Variants in RASAL2 observed in about 807,000 individuals in gnomAD.
RASAL2 encodes the protein ras GTPase-activating protein nGAP.
In RASAL2, 58 loss-of-function variants were observed where a neutral mutation model predicts 128.9. That is an observed-to-expected ratio of 0.45 (90% CI 0.36 to 0.56). The LOEUF is 0.56. RASAL2 is among the 20% of genes least tolerant of loss of function. RASAL2 has a pLI of 0.00. For synonymous variants in RASAL2, 561 were observed against 580.8 expected (o/e 0.97, Z 0.49); for missense variants, 1,360 against 1,601.6 (o/e 0.85, Z 2.57).
At chr1:178,439,226 A>G (rs1018533517) in intron 5 of RASAL2, among the ~76,000 whole-genome samples, 196 bp from the exon 6 acceptor site, 3 of 152,124 alleles carry the variant, frequency 2.0e-5, no homozygotes, top group African/African-American at 7.2e-5. Flanking sequence ...GTGCACTCAC[A>G]TAGATATATA....
chr1:178,394,274 T>G (rs1013617929), intron 4 of RASAL2, among the ~76,000 whole-genome samples: 1 of 152,196 alleles, frequency 6.6e-6, no homozygotes, highest in Non-Finnish European at 1.5e-5. Flanking sequence ...TTAAAGATCA[T>G]TTTTCATTTT....
At chr1:178,114,317 T>G (rs1193613350) in intron 1 of RASAL2, among the ~76,000 whole-genome samples, 1 of 152,088 alleles carries the variant, frequency 6.6e-6, no homozygotes, top group African/African-American at 2.4e-5. Flanking sequence ...AGCCTTAGGT[T>G]TTTTTGTTGT....
intron 1 of RASAL2, chr1:178,194,439 C>T (rs1662592168): frequency 4.6e-6 from 1 of 215,338 alleles, no homozygotes. Flanking sequence ...AACACATCCA[C>T]CAACTATGCC....
intron 1 of RASAL2, among the ~76,000 whole-genome samples, chr1:178,145,750 A>T (rs371216890): frequency 2.0e-5 from 3 of 152,166 alleles, no homozygotes; most frequent in African/African-American, 7.2e-5. Flanking sequence ...TTTATGGACA[A>T]CTGTGCCTAC....
intron 1 of RASAL2, among the ~76,000 whole-genome samples, chr1:178,143,570 G>A (rs892399305): frequency 5.3e-5 from 8 of 151,994 alleles, no homozygotes; most frequent in African/African-American, 1.9e-4. Flanking sequence ...GATAGAATAT[G>A]TTAACATTTA....
At chr1:178,150,664 G>A (rs2770155) in intron 1 of RASAL2, among the ~76,000 whole-genome samples, 152,315 of 152,320 alleles carry the variant, frequency 1, 76,155 homozygotes, top group Non-Finnish European at 1. Flanking sequence ...TTGTATATTC[G>A]TTGGATCCTC....
Position 178,475,004 on chromosome 1 carries a change from C to G in RASAL2, c.*1765C>G, listed in dbSNP as rs944161302. The G allele has an allele frequency of 5.9e-5, 9 of 152,168 alleles. No individual in the cohort carries two copies. The highest frequency in any genetic ancestry group is 9.7e-5 in the African/African-American group (4 of 41,442). 9.4% of individuals were successfully genotyped at this position (152,168 alleles called of 1,614,324 possible). On this transcript the variant is annotated 3_prime_UTR_variant, in exon 18 of 18. Coordinates refer to ENST00000367649, the MANE Select transcript of RASAL2 (RefSeq NM_170692.4). ...TATAAGAGAACATGTATAGTGCCCT[C>G]TTTTGAGTGATGCCGACAGACACCA... is the stretch of plus-strand genomic sequence containing the variant.
At chr1:178,335,838 C>A (rs1340140976) in intron 3 of RASAL2, among the ~76,000 whole-genome samples, 2 of 152,028 alleles carry the variant, frequency 1.3e-5, no homozygotes, top group East Asian at 3.9e-4. Flanking sequence ...TTCTGATAAA[C>A]CTAATTTGGA....
Position 178,194,694 on chromosome 1 carries a change from A to G in RASAL2, c.203-88870A>G, listed in dbSNP as rs1444095054. ...TCACCAGTGGATTTACTAGCAGTCT[A>G]TTTGGTTTGGGCCATCTTTTACCCA... On this transcript the variant is annotated intron_variant, in intron 1 of 17. Transcript: ENST00000367649. 2.8e-5 allele frequency: 5 copies of G among 178,510 alleles called. No homozygotes were observed. In the East Asian group the frequency reaches 4.0e-4, roughly 14 times the overall value. The allele number at this position is 178,510 out of a possible 1,614,324, so 11.1% of individuals were successfully genotyped here.
At chr1:178,366,589 C>A (rs1359164672) in intron 3 of RASAL2, among the ~76,000 whole-genome samples, 1 of 86,812 alleles carries the variant, frequency 1.2e-5, no homozygotes, top group Non-Finnish European at 2.0e-5. Flanking sequence ...TCCCACCCCC[C>A]CCCGCCAAAA....
chr1:178,109,321 T>TA (rs1659212365), intron 1 of RASAL2, among the ~76,000 whole-genome samples: 1 of 152,144 alleles, frequency 6.6e-6, no homozygotes, highest in Non-Finnish European at 1.5e-5. Flanking sequence ...AGGCTGGTCT[T>TA]AAACTCCTGA....
rs542277215 is a variant in RASAL2, at chr1:178,211,880, A to G, written c.203-71684A>G. Among the ~76,000 whole-genome samples, 5 of 152,284 alleles carry G rather than the reference A, an allele frequency of 3.3e-5. No homozygotes were observed. The South Asian group carries it at 6.2e-4, about 19-fold the overall frequency. On this transcript the variant is annotated intron_variant, in intron 1 of 17. Coordinates refer to ENST00000367649, the MANE Select transcript of RASAL2 (RefSeq NM_170692.4). ...GTCCATGTCTGTTTTCCCTAACTAA[A>G]TGGAGGCCATTGAGGGAATATAGAA...
intron 1 of RASAL2, among the ~76,000 whole-genome samples, chr1:178,106,586 G>A (rs1659098890): frequency 6.6e-6 from 1 of 152,128 alleles, no homozygotes; most frequent in Admixed American, 6.6e-5. Flanking sequence ...TGCTTTTAAT[G>A]TTGTCTAGTT....
At position 178,458,040 on chromosome 1, in the gene RASAL2, C is replaced by A. The variant is rs767404220; in HGVS notation, c.2748C>A (p.Gly916=). 29 of 1,614,048 alleles carry A rather than the reference C, an allele frequency of 1.8e-5. No individual in the cohort carries two copies. The highest frequency in any genetic ancestry group is 2.4e-5 in the Non-Finnish European group (28 of 1,180,040). ...PLHPALNQPG[G]LQPLSFQNPV... ...ACCCAGCCTTGAACCAGCCAGGTGG[C>A]CTTCAGCCCTTGTCGTTCCAGAACC... The change falls in exon 14 of 18, where the codon GGC becomes GGA. Residue 916 remains glycine (G), a synonymous_variant. Coordinates refer to ENST00000367649, the MANE Select transcript of RASAL2 (RefSeq NM_170692.4).
intron 1 of RASAL2, among the ~76,000 whole-genome samples, chr1:178,201,704 AC>A (rs1170885481): frequency 6.6e-6 from 1 of 152,236 alleles, no homozygotes; most frequent in Non-Finnish European, 1.5e-5. Context: ...GAATAGTTTG[AC>A]TTGTGTAGAG....
intron 4 of RASAL2, among the ~76,000 whole-genome samples, chr1:178,403,550 A>G (rs1342851): frequency 0.027 from 4,041 of 152,324 alleles, 68 homozygotes; most frequent in South Asian, 0.074. Context: ...ACTAAGTCCT[A>G]TTAGAGTAAT....
intron 1 of RASAL2, among the ~76,000 whole-genome samples, chr1:178,166,843 T>C (rs1328605220): frequency 6.6e-6 from 1 of 152,170 alleles, no homozygotes; most frequent in Non-Finnish European, 1.5e-5. Context: ...CTAATGTGAT[T>C]AGGATGTGGC....
rs975959208 is a variant in RASAL2, at chr1:178,474,643, T to G, written c.*1404T>G. The G allele has an allele frequency of 1.3e-5, 2 of 151,956 alleles. No homozygotes were observed. Among genetic ancestry groups the G allele is most frequent in the African/African-American group, 4.8e-5 (2 of 41,384 alleles). The allele number at this position is 151,956 out of a possible 1,614,324, so 9.4% of individuals were successfully genotyped here. A position where few individuals can be genotyped will look rare whatever the true frequency, so the allele number is the denominator to read the frequency against. ...ATGTCATCTTGAATGCAACCTTGAT[T>G]ACCAGAAGTATGGAAGGTTACATGT... On this transcript the variant is annotated 3_prime_UTR_variant, in exon 18 of 18. Coordinates refer to ENST00000367649, the MANE Select transcript of RASAL2 (RefSeq NM_170692.4).
rs1372638512 is a variant in RASAL2 at position 178,147,503 on chromosome 1, T to G, written c.202+52809T>G. The stretch of plus-strand genomic sequence containing the variant: ...TCAAAAAAAAAAAAAAAAAGAAAAG[T>G]AAAGGAAAGCTAGTTTATATAAACA... On this transcript the variant is annotated intron_variant, in intron 1 of 17. Coordinates refer to ENST00000367649, the MANE Select transcript of RASAL2 (RefSeq NM_170692.4). Among the ~76,000 whole-genome samples, 164 of 142,030 alleles carry G rather than the reference T, an allele frequency of 1.2e-3. 1 individual carries two copies. Among genetic ancestry groups the G allele is most frequent in the African/African-American group, 4.1e-3 (150 of 36,912 alleles). The allele number at this position is 142,030 out of a possible 152,430, so 93.2% of individuals were successfully genotyped here.
Sources: gnomAD v4.1 joint callset for allele counts (sites outside exome capture counted in the v4.1 genomes callset) on GRCh38, gnomAD v4.1.1 for gene constraint, MANE v1.5 for transcripts, NCBI Gene and HGNC (gene_info 2026-07-23, HGNC 2026-07-21) for gene names.